Variants in ITPR1 observed in about 807,000 individuals in gnomAD.
The protein encoded by ITPR1 is inositol 1,4,5-trisphosphate receptor type 1, also known as inositol 1,4,5-trisphosphate-gated calcium channel ITPR1.
In ITPR1, 96 loss-of-function variants were observed where a neutral mutation model predicts 318.4. The observed-to-expected ratio is 0.30, with a 90% CI of 0.26 to 0.36. ITPR1 has a LOEUF of 0.36. Among genes scored for constraint, ITPR1 ranks in the 10% least tolerant of loss-of-function variants. The pLI, the probability that ITPR1 is intolerant of heterozygous loss-of-function variation, is 1.00. For synonymous variants in ITPR1, 1,312 were observed against 1,289.9 expected (o/e 1.02, Z -0.37); for missense variants, 2,440 against 3,460.2 (o/e 0.71, Z 7.40).
chr3:4,718,413 T>C (rs1203269066), intron 40 of ITPR1, among the ~76,000 whole-genome samples: 2 of 152,258 alleles, frequency 1.3e-5, no homozygotes, highest in Non-Finnish European at 2.9e-5. Flanking sequence ...GTATCTACTC[T>C]AATTAATACA....
chr3:4,792,663 G>T (rs957482247), intron 52 of ITPR1, among the ~76,000 whole-genome samples: 9 of 152,214 alleles, frequency 5.9e-5, no homozygotes, highest in African/African-American at 2.2e-4. Flanking sequence ...TGACATGGCA[G>T]ATGATTTCCT....
At position 4,821,328 on chromosome 3, in the gene ITPR1, C is replaced by G. The variant is rs138581452; in HGVS notation, c.8028+3086C>G. ...CCCATGGTTGAAGATCCCAGAGACT[C>G]CTGGAGACTTGTGGAATGACAGCTG... is the stretch of plus-strand genomic sequence containing the variant. On this transcript the variant is annotated intron_variant, in intron 60 of 61. Coordinates refer to ENST00000649015, the MANE Select transcript of ITPR1 (RefSeq NM_001378452.1). 5.1e-3 allele frequency among the ~76,000 whole-genome samples: 782 copies of G among 152,308 alleles called. 2 individuals are homozygous for G. Among genetic ancestry groups the G allele is most frequent in the Non-Finnish European group, 8.7e-3 (593 of 68,034 alleles).
At chr3:4,752,781 G>A (rs936042443) in intron 44 of ITPR1, among the ~76,000 whole-genome samples, 3 of 152,218 alleles carry the variant, frequency 2.0e-5, no homozygotes, top group African/African-American at 2.4e-5. Flanking sequence ...CTACTGGCTT[G>A]TGTCACCACA....
chr3:4,815,643 G>C (rs2049245196), intron 59 of ITPR1, among the ~76,000 whole-genome samples: 1 of 152,064 alleles, frequency 6.6e-6, no homozygotes, highest in Non-Finnish European at 1.5e-5. Context: ...ACGTAAAAGA[G>C]GTGCATGGAC....
At chr3:4,836,115 T>G (rs2050895518) in intron 60 of ITPR1, among the ~76,000 whole-genome samples, 1 of 152,200 alleles carries the variant, frequency 6.6e-6, no homozygotes, top group East Asian at 1.9e-4. Context: ...CCTGGGACCT[T>G]AAAATTCACT....
chr3:4,724,594 T>A (rs2042379811), intron 40 of ITPR1: 1 of 152,230 alleles, frequency 6.6e-6, no homozygotes, highest in South Asian at 2.1e-4. Flanking sequence ...GGTGTGTGAC[T>A]TTGGTCCCGA....
At chr3:4,732,306 G>A (rs1255643598) in intron 42 of ITPR1, among the ~76,000 whole-genome samples, 1 of 152,138 alleles carries the variant, frequency 6.6e-6, no homozygotes, top group African/African-American at 2.4e-5. Context: ...TTACAGAAAG[G>A]TTGAAATGTA....
intron 12 of ITPR1, among the ~76,000 whole-genome samples, 182 bp downstream of exon 12, chr3:4,654,068 C>T (rs187155397): frequency 2.6e-5 from 4 of 152,208 alleles, no homozygotes; most frequent in Non-Finnish European, 5.9e-5. Flanking sequence ...CTTTGTGTCT[C>T]GATTGGTCCA....
chr3:4,523,919 G>C (rs980188079), intron 4 of ITPR1, among the ~76,000 whole-genome samples: 4 of 152,206 alleles, frequency 2.6e-5, no homozygotes, highest in African/African-American at 9.7e-5. Flanking sequence ...TAGTCTGACA[G>C]AAGCTATTTG....
chr3:4,684,618 C>T (rs2094358333), intron 29 of ITPR1, among the ~76,000 whole-genome samples: 1 of 152,192 alleles, frequency 6.6e-6, no homozygotes, highest in Admixed American at 6.5e-5. Flanking sequence ...TGAAGCTTTA[C>T]AATTGAAGGA....
intron 44 of ITPR1, among the ~76,000 whole-genome samples, chr3:4,765,182 T>C (rs1185069045): frequency 1.3e-5 from 2 of 152,082 alleles, no homozygotes; most frequent in African/African-American, 4.8e-5. Flanking sequence ...ATGACAAGGC[T>C]AAGCATAGGG....
chr3:4,539,758 AG>A (rs1309987395), intron 4 of ITPR1, among the ~76,000 whole-genome samples: 3 of 152,142 alleles, frequency 2.0e-5, no homozygotes, highest in Non-Finnish European at 4.4e-5. Context: ...GAAGAGGAAG[AG>A]GGACCCAAGT....
chr3:4,511,935 A>C (rs1037560072), intron 2 of ITPR1, among the ~76,000 whole-genome samples: 3 of 152,196 alleles, frequency 2.0e-5, no homozygotes, highest in Non-Finnish European at 2.9e-5. Context: ...GATGAATAGC[A>C]AAAGTTCTGG....
At chr3:4,711,978 T>C (rs895348712) in intron 39 of ITPR1, 110 bp downstream of exon 39, 4 of 527,788 alleles carry the variant, frequency 7.6e-6, no homozygotes, top group Non-Finnish European at 1.4e-5. Flanking sequence ...GGCTAGCTTT[T>C]TTTAAAAGAA....
chr3:4,831,730 C>A (rs930780255), intron 60 of ITPR1, among the ~76,000 whole-genome samples: 2 of 152,218 alleles, frequency 1.3e-5, no homozygotes, highest in East Asian at 3.8e-4. Flanking sequence ...GGCCTTCAGA[C>A]GCTGGCTGGC....
intron 4 of ITPR1, among the ~76,000 whole-genome samples, chr3:4,591,966 A>T (rs2090431650): frequency 1.3e-5 from 2 of 152,138 alleles, no homozygotes; most frequent in Non-Finnish European, 2.9e-5. Context: ...TAGGTCTTAG[A>T]ACTTCTTTTA....
intron 4 of ITPR1, among the ~76,000 whole-genome samples, chr3:4,570,162 G>A (rs1191895743): frequency 6.6e-6 from 1 of 152,094 alleles, no homozygotes; most frequent in Non-Finnish European, 1.5e-5. Flanking sequence ...GCAAATGTGA[G>A]GTCATTAATT....
chr3:4,647,922 T>C (rs1202912940), intron 10 of ITPR1, among the ~76,000 whole-genome samples: 1 of 152,066 alleles, frequency 6.6e-6, no homozygotes, highest in Non-Finnish European at 1.5e-5. Flanking sequence ...GAGGCCAAGG[T>C]GGGTGGATCA....
chr3:4,735,638 A>G (rs981210017), intron 44 of ITPR1: 3 of 398,272 alleles, frequency 7.5e-6, no homozygotes, highest in African/African-American at 6.0e-5. Flanking sequence ...TGGGCACTCC[A>G]TAAATGTTTG....
Sources: gnomAD v4.1 joint callset for allele counts (sites outside exome capture counted in the v4.1 genomes callset) on GRCh38, gnomAD v4.1.1 for gene constraint, MANE v1.5 for transcripts, NCBI Gene and HGNC (gene_info 2026-07-23, HGNC 2026-07-21) for gene names.